Variants in ROBO1 observed in about 807,000 individuals in gnomAD.
The protein encoded by ROBO1 is roundabout guidance receptor 1, also known as roundabout homolog 1.
In ROBO1, 149 loss-of-function variants were observed where a neutral mutation model predicts 195.9. That is an observed-to-expected ratio of 0.76 (90% CI 0.67 to 0.87). ROBO1 has a LOEUF of 0.87. Ranked by LOEUF, ROBO1 falls within the 40% of genes least tolerant of loss-of-function variation. The pLI, the probability that ROBO1 is intolerant of heterozygous loss-of-function variation, is 0.00. For missense variants in ROBO1, 1,933 were observed against 2,068.3 expected (o/e 0.93, Z 1.27); for synonymous variants, 816 against 733.2 (o/e 1.11, Z -1.82).
intron 2 of ROBO1, among the ~76,000 whole-genome samples, chr3:79,506,610 A>G (rs1237434965): frequency 6.6e-6 from 1 of 152,054 alleles, no homozygotes; most frequent in Admixed American, 6.6e-5. Flanking sequence ...ACGCCCAGCT[A>G]ATTTTTGTAC....
At chr3:78,815,446 T>C (rs754329876) in intron 4 of ROBO1, among the ~76,000 whole-genome samples, 7 of 152,124 alleles carry the variant, frequency 4.6e-5, no homozygotes, top group Non-Finnish European at 1.0e-4. Context: ...GTGATCTACA[T>C]AGAAAGTCAA....
chr3:79,572,202 A>G (rs1462180426), intron 2 of ROBO1, among the ~76,000 whole-genome samples: 1 of 152,082 alleles, frequency 6.6e-6, no homozygotes, highest in Non-Finnish European at 1.5e-5. Flanking sequence ...AGATCCATAC[A>G]TTAAATATTA....
chr3:79,500,739 C>A (rs139107494), intron 2 of ROBO1, among the ~76,000 whole-genome samples: 1 of 152,144 alleles, frequency 6.6e-6, no homozygotes, highest in Non-Finnish European at 1.5e-5. Context: ...GCTCTGGGTG[C>A]TTTCCATACT....
intron 22 of ROBO1, 99 bp from the exon 23 acceptor site, chr3:78,636,207 T>C (rs1205047575): frequency 2.0e-5 from 17 of 833,656 alleles, no homozygotes; most frequent in Non-Finnish European, 1.8e-5. Flanking sequence ...AAAATCGTTA[T>C]GTAAAGTACA....
intron 2 of ROBO1, among the ~76,000 whole-genome samples, chr3:79,306,912 T>C (rs2033248525): frequency 6.6e-6 from 1 of 152,244 alleles, no homozygotes; most frequent in Admixed American, 6.5e-5. Context: ...TCAATATTTA[T>C]GATGCCAGAT....
At chr3:78,691,292 C>A (rs1264838316) in intron 8 of ROBO1, among the ~76,000 whole-genome samples, 1 of 151,886 alleles carries the variant, frequency 6.6e-6, no homozygotes, top group Non-Finnish European at 1.5e-5. Flanking sequence ...TTGAAAGCTA[C>A]AATTTTTAAT....
chr3:79,654,132 T>A (rs1349827542), intron 1 of ROBO1, among the ~76,000 whole-genome samples: 1 of 151,964 alleles, frequency 6.6e-6, no homozygotes, highest in Non-Finnish European at 1.5e-5. Context: ...AGGATAGATA[T>A]ATTACTCCGT....
intron 2 of ROBO1, among the ~76,000 whole-genome samples, chr3:79,490,700 C>G (rs1291005112): frequency 6.6e-6 from 1 of 152,172 alleles, no homozygotes; most frequent in Non-Finnish European, 1.5e-5. Context: ...TGGTGCACAG[C>G]CAATGAATGC....
intron 2 of ROBO1, among the ~76,000 whole-genome samples, chr3:79,499,998 G>T (rs536622632): frequency 2.3e-4 from 35 of 151,936 alleles, no homozygotes; most frequent in African/African-American, 7.7e-4. Context: ...ACTAGAGATG[G>T]GGTTACACCG....
chr3:79,693,312 T>C (rs1947347677), intron 1 of ROBO1, among the ~76,000 whole-genome samples: 1 of 151,844 alleles, frequency 6.6e-6, no homozygotes, highest in Non-Finnish European at 1.5e-5. Context: ...AATGTGGTCT[T>C]TCTAAAGTAG....
chr3:79,122,861 T>C (rs2080145721), intron 3 of ROBO1, among the ~76,000 whole-genome samples: 1 of 151,942 alleles, frequency 6.6e-6, no homozygotes, highest in African/African-American at 2.4e-5. Flanking sequence ...GTTTATTTTC[T>C]TTTTTATATA....
At chr3:79,048,914 A>T (rs2078645615) in intron 3 of ROBO1, among the ~76,000 whole-genome samples, 1 of 152,162 alleles carries the variant, frequency 6.6e-6, no homozygotes, top group Admixed American at 6.5e-5. Flanking sequence ...CAAAGACCAA[A>T]GGTAGATAAA....
chr3:78,968,924 C>T (rs1243800643), intron 3 of ROBO1, among the ~76,000 whole-genome samples: 1 of 152,074 alleles, frequency 6.6e-6, no homozygotes, highest in Non-Finnish European at 1.5e-5. Context: ...CATGATATTC[C>T]TATTTTTAAA....
At chr3:79,389,106 C>T (rs992180566) in intron 2 of ROBO1, among the ~76,000 whole-genome samples, 4 of 151,778 alleles carry the variant, frequency 2.6e-5, no homozygotes, top group Non-Finnish European at 4.4e-5. Context: ...AAGATTTCTT[C>T]GAATATAACT....
intron 1 of ROBO1, among the ~76,000 whole-genome samples, chr3:79,592,955 C>T (rs1944052428): frequency 6.6e-6 from 1 of 151,996 alleles, no homozygotes; most frequent in Non-Finnish European, 1.5e-5. Context: ...CATAGTTCTG[C>T]CTTTCTTGGA....
chr3:79,298,092 T>C (rs2032690039), intron 2 of ROBO1, among the ~76,000 whole-genome samples: 1 of 152,176 alleles, frequency 6.6e-6, no homozygotes, highest in Non-Finnish European at 1.5e-5. Context: ...ATGAATTGAC[T>C]ATATATTTTT....
intron 2 of ROBO1, among the ~76,000 whole-genome samples, chr3:79,482,818 G>C (rs1938934777): frequency 6.6e-6 from 1 of 152,104 alleles, no homozygotes; most frequent in Admixed American, 6.6e-5. Context: ...AATAAAGATA[G>C]GATATAATAT....
intron 2 of ROBO1, among the ~76,000 whole-genome samples, chr3:79,139,250 C>G (rs1356791138): frequency 1.3e-5 from 2 of 151,896 alleles, no homozygotes; most frequent in Non-Finnish European, 2.9e-5. Flanking sequence ...AGCCTGTGAC[C>G]CAGAAGAATA....
chr3:79,400,149 T>C (rs1012098393), intron 2 of ROBO1, among the ~76,000 whole-genome samples: 1 of 152,070 alleles, frequency 6.6e-6, no homozygotes, highest in Admixed American at 6.6e-5. Context: ...ATTAGAAAAA[T>C]ACTGCAATCA....
Sources: gnomAD v4.1 joint callset for allele counts (sites outside exome capture counted in the v4.1 genomes callset) on GRCh38, gnomAD v4.1.1 for gene constraint, MANE v1.5 for transcripts, NCBI Gene and HGNC (gene_info 2026-07-23, HGNC 2026-07-21) for gene names.